The following OTOG variants were observed in gnomAD, a reference collection of about 807,000 sequenced individuals.
OTOG encodes otogelin.
OTOG carries 296 observed loss-of-function variants against 313.8 expected under a neutral mutation model. The ratio of observed to expected loss-of-function variants is 0.94; its 90% confidence interval spans 0.86 to 1.04. The LOEUF (loss-of-function observed/expected upper bound fraction) is 1.04, where lower values mean the gene tolerates loss of function less well. Ranked by LOEUF, OTOG falls within the 50% of genes least tolerant of loss-of-function variation. The probability of loss-of-function intolerance (pLI) is 0.00; values close to 1 mark genes in which losing one functional copy is unlikely to be tolerated. For missense variants in OTOG, 3,948 were observed against 3,840.1 expected (o/e 1.03, Z -0.74); for synonymous variants, 1,533 against 1,554.9 (o/e 0.99, Z 0.33).
Position 17,634,756 on chromosome 11 carries a change from G to C in OTOG, c.7481-88G>C, listed in dbSNP as rs967599761. 6 of 1,128,630 alleles carry C rather than the reference G, an allele frequency of 5.3e-6. No homozygotes were observed. In the East Asian group the frequency reaches 1.6e-4, roughly 29 times the overall value. 69.9% of individuals were successfully genotyped at this position (1,128,630 alleles called of 1,614,324 possible). ...GGGAGGAGTGGGGCCAGGCGTCCAG[G>C]GGTTGGGCAGTTGTCCAGTGTTCTC... On this transcript the variant is annotated intron_variant, in intron 44 of 55. Coordinates refer to ENST00000399397, the MANE Select transcript of OTOG (RefSeq NM_001292063.2).
chr11:17,621,387 T>C (rs1007732449), intron 39 of OTOG, among the ~76,000 whole-genome samples: 4 of 152,120 alleles, frequency 2.6e-5, no homozygotes, highest in African/African-American at 9.7e-5. Context: ...CCCTTCTGCA[T>C]ACCCTACCCT....
intron 23 of OTOG, among the ~76,000 whole-genome samples, chr11:17,584,434 T>A (rs1852746246): frequency 1.3e-5 from 2 of 152,236 alleles, no homozygotes; most frequent in Non-Finnish European, 2.9e-5. Context: ...CTGTAGTTTT[T>A]TTTGCAAATG....
intron 15 of OTOG, among the ~76,000 whole-genome samples, chr11:17,568,192 C>A (rs1438044934): frequency 6.6e-6 from 1 of 152,126 alleles, no homozygotes; most frequent in Non-Finnish European, 1.5e-5. Context: ...CAGGCGTGAG[C>A]CACCGCACCC....
Position 17,602,197 on chromosome 11 carries a change from C to G in OTOG, c.3710-13C>G, listed in dbSNP as rs1234010286. 1 of 1,549,418 alleles carries G rather than the reference C, an allele frequency of 6.5e-7. No individual in the cohort carries two copies. The highest frequency in any genetic ancestry group is 1.2e-5 in the South Asian group (1 of 83,982). ...CATGGGGCCAGGTTGCTGATGGGGC[C>G]TCTTCTCTCCAGTGCTAGGTAAGGG... On this transcript the variant is annotated splice_polypyrimidine_tract_variant and intron_variant, in intron 31 of 55. Coordinates refer to ENST00000399397, the MANE Select transcript of OTOG (RefSeq NM_001292063.2).
rs191005142 is a variant in OTOG, at chr11:17,576,792, C to T, written c.2562-76C>T. ...TGTCTTTCTGAACTCTGCAGTGACC[C>T]GAGTGCAGCAACATGGGGTGTCTGG... On this transcript the variant is annotated intron_variant, in intron 21 of 55. Transcript: ENST00000399397. 2.2e-4 allele frequency: 330 copies of T among 1,518,204 alleles called. 1 individual carries two copies. In the African/African-American group the frequency reaches 3.8e-3, roughly 17 times the overall value. 94.0% of individuals were successfully genotyped at this position (1,518,204 alleles called of 1,614,324 possible). A position where few individuals can be genotyped will look rare whatever the true frequency, so the allele number is the denominator to read the frequency against.
At chr11:17,641,546 AT>A (rs910151033) in intron 51 of OTOG, among the ~76,000 whole-genome samples, 98 of 152,270 alleles carry the variant, frequency 6.4e-4, no homozygotes, top group African/African-American at 2.3e-3. Flanking sequence ...AGACTCTGTC[AT>A]TTGTCAAAAG....
chr11:17,626,182 GT>G (rs1022239082), intron 39 of OTOG, among the ~76,000 whole-genome samples: 3 of 151,882 alleles, frequency 2.0e-5, no homozygotes, highest in African/African-American at 7.2e-5. Flanking sequence ...TTGTTTGTTT[GT>G]TTTTGTTTTT....
At chr11:17,588,473 G>A (rs930565274) in intron 24 of OTOG, among the ~76,000 whole-genome samples, 4 of 152,168 alleles carry the variant, frequency 2.6e-5, no homozygotes, top group African/African-American at 9.7e-5. Context: ...AGTATTTCCA[G>A]CAGTTATGCA....
chr11:17,578,194 A>C, intron 22 of OTOG, 179 bp from the exon 23 acceptor site: 1 of 1,344,588 alleles, frequency 7.4e-7, no homozygotes. Flanking sequence ...GACAGACAGC[A>C]CACATCTACC....
At chr11:17,634,374 C>T (rs1343964878) in intron 44 of OTOG, 93 bp downstream of exon 44, 16 of 1,338,542 alleles carry the variant, frequency 1.2e-5, no homozygotes, top group Non-Finnish European at 1.5e-5. Context: ...AGGACAAGGC[C>T]TAGGAAAAGC....
At position 17,568,937 on chromosome 11, in the gene OTOG, C is replaced by T. The variant is rs529130763; in HGVS notation, c.1645-219C>T. On this transcript the variant is annotated intron_variant, in intron 15 of 55. Coordinates refer to ENST00000399397, the MANE Select transcript of OTOG (RefSeq NM_001292063.2). Reference sequence around the variant, plus strand: ...TGACTACCATTTTTATTAGTGTTATCGCATTCTGCTACTAACCTTCTCCAA... The same window carrying T: ...TGACTACCATTTTTATTAGTGTTATTGCATTCTGCTACTAACCTTCTCCAA... Among the ~76,000 whole-genome samples, 216 of 152,272 alleles carry T rather than the reference C, an allele frequency of 1.4e-3. 1 individual carries two copies. The highest frequency in any genetic ancestry group is 5.1e-3 in the African/African-American group (212 of 41,552).
chr11:17,578,604 G>T (rs1323372955), intron 23 of OTOG, 78 bp downstream of exon 23: 12 of 1,440,232 alleles, frequency 8.3e-6, no homozygotes. Flanking sequence ...GTGGGGGCAG[G>T]GAAAACATCA....
At chr11:17,563,272 C>T (rs1852228559) in intron 15 of OTOG, among the ~76,000 whole-genome samples, 1 of 152,212 alleles carries the variant, frequency 6.6e-6, no homozygotes, top group African/African-American at 2.4e-5. Context: ...CCTTGTGCAT[C>T]AGAGCAGGAG....
Position 17,611,494 on chromosome 11 carries a change from G to A in OTOG, c.6123+71G>A. The A allele has an allele frequency of 2.1e-6, 3 of 1,395,420 alleles. No individual in the cohort carries two copies. In the South Asian group the frequency reaches 4.4e-5, roughly 21 times the overall value. 86.4% of individuals were successfully genotyped at this position (1,395,420 alleles called of 1,614,324 possible). A position where few individuals can be genotyped will look rare whatever the true frequency, so the allele number is the denominator to read the frequency against. Reference sequence around the variant, plus strand: ...CTTCATCCCTTCCTCTTCCCTGCTAGATGGAGTTTTAGTCGCTATCCTCAT... The same window carrying A: ...CTTCATCCCTTCCTCTTCCCTGCTAAATGGAGTTTTAGTCGCTATCCTCAT... On this transcript the variant is annotated intron_variant, in intron 36 of 55. Coordinates refer to ENST00000399397, the MANE Select transcript of OTOG (RefSeq NM_001292063.2).
At position 17,553,134 on chromosome 11, in the gene OTOG, T is replaced by C. The variant is rs1400302095; in HGVS notation, c.308T>C (p.Phe103Ser). 4 of 1,550,554 alleles carry C rather than the reference T, an allele frequency of 2.6e-6. No individual in the cohort carries two copies. The South Asian group carries it at 4.8e-5, about 18-fold the overall frequency. ...TCCCATGCAGACTTGTTCTCCTGCT[T>C]CAATGGAGGCGAGTGTGTGCACCCA... ...KCAPSYLFSC[F>S]NGGECVHPAF... is the part of the protein sequence containing the mutation. The change falls in exon 5 of 56, where the codon TTC (phenylalanine) becomes TCC (serine). Residue 103 changes from phenylalanine (F) to serine (S), a missense_variant. Transcript: ENST00000399397.
In OTOG at chr11:17,605,894, C is replaced by G. The variant is rs2134081786; in HGVS notation, c.3915C>G (p.Pro1305=). Residue 1305 remains proline (P), a synonymous_variant, in exon 33 of 56, where the codon CCC becomes CCG. Coordinates refer to ENST00000399397, the MANE Select transcript of OTOG (RefSeq NM_001292063.2). ...DVVSLEAADR[P]NFFLHVTANG... Reference sequence around the variant, plus strand: ...TGTCCCTGGAGGCAGCAGACAGACCCAACTTCTTCCTTCACGTCACAGCCA... The same window carrying G: ...TGTCCCTGGAGGCAGCAGACAGACCGAACTTCTTCCTTCACGTCACAGCCA... 1.3e-6 allele frequency: 2 copies of G among 1,549,704 alleles called. No individual in the cohort carries two copies. The highest frequency in any genetic ancestry group is 4.9e-5 in the East Asian group (2 of 40,900).
At chr11:17,627,882 G>C (rs1391542500) in intron 39 of OTOG, among the ~76,000 whole-genome samples, 1 of 152,076 alleles carries the variant, frequency 6.6e-6, no homozygotes, top group Non-Finnish European at 1.5e-5. Context: ...TCTCATAGTA[G>C]CTGCTAATGA....
chr11:17,580,043 A>G (rs535463476), intron 23 of OTOG, among the ~76,000 whole-genome samples: 1 of 152,232 alleles, frequency 6.6e-6, no homozygotes. Flanking sequence ...AAAGATGCCC[A>G]ACCATCCTTA....
intron 32 of OTOG, 65 bp downstream of exon 32, chr11:17,602,442 G>C: frequency 6.7e-7 from 1 of 1,494,086 alleles, no homozygotes; most frequent in South Asian, 1.3e-5. Flanking sequence ...AGGAGGGGAG[G>C]GTGCTGAGGC....
Sources: allele counts gnomAD v4.1 joint callset (sites outside exome capture counted in the v4.1 genomes callset), GRCh38; gene constraint gnomAD v4.1.1; transcripts MANE v1.5; gene names NCBI Gene and HGNC (gene_info 2026-07-23, HGNC 2026-07-21).